The following BLOC1S6 variants were observed in gnomAD, a reference collection of about 807,000 sequenced individuals.
BLOC1S6 encodes the protein biogenesis of lysosomal organelles complex 1 subunit 6, also known as biogenesis of lysosome-related organelles complex 1 subunit 6.
Under a neutral mutation model 24.7 loss-of-function variants are expected in BLOC1S6, and 24 were observed. The observed-to-expected ratio is 0.97, with a 90% CI of 0.70 to 1.37. The LOEUF is 1.37. Ranked by LOEUF, BLOC1S6 falls within the 40% of genes most tolerant of loss-of-function variation. The pLI, the probability that BLOC1S6 is intolerant of heterozygous loss-of-function variation, is 0.00. For synonymous variants in BLOC1S6, 76 were observed against 72.6 expected, an observed-to-expected ratio of 1.05 and a Z score of -0.23; for missense variants, 175 against 196.2, an observed-to-expected ratio of 0.89 and a Z score of 0.64.
chr15:45,592,530 G>T (rs1462025945), intron 2 of BLOC1S6, among the ~76,000 whole-genome samples: 2 of 152,150 alleles, frequency 1.3e-5, no homozygotes. Flanking sequence ...TCTGTGATTA[G>T]GTTTGGCATT....
chr15:45,602,137 C>T (rs916743180), intron 2 of BLOC1S6, among the ~76,000 whole-genome samples: 2 of 152,034 alleles, frequency 1.3e-5, no homozygotes, highest in Admixed American at 6.6e-5. Flanking sequence ...TTCAAGCAAT[C>T]CTCCTTCCTT....
Position 45,604,402 on chromosome 15 carries a change from C to T in BLOC1S6, c.313-1026C>T, listed in dbSNP as rs140907643. ...CTGCCCAGTAGTTCCTGGTTTCTTG[C>T]GAGGGAGGTGGGCAAGGCTACACTG... On this transcript the variant is annotated intron_variant, in intron 3 of 4. Coordinates refer to ENST00000220531, the MANE Select transcript of BLOC1S6 (RefSeq NM_012388.4). Among the ~76,000 whole-genome samples the T allele has an allele frequency of 2.5e-4, 38 of 152,240 alleles. No homozygotes were observed. In the East Asian group the frequency reaches 6.8e-3, roughly 27 times the overall value.
At chr15:45,590,778 G>T (rs1347823258) in intron 1 of BLOC1S6, among the ~76,000 whole-genome samples, 1 of 152,150 alleles carries the variant, frequency 6.6e-6, no homozygotes, top group Non-Finnish European at 1.5e-5. Flanking sequence ...CACAAGCAAT[G>T]TGTTGTGATA....
chr15:45,601,258 C>G (rs906719028), intron 2 of BLOC1S6: 5 of 154,314 alleles, frequency 3.2e-5, no homozygotes, highest in Admixed American at 1.3e-4. Context: ...ACTGTACGTG[C>G]CTAAAACTGA....
intron 2 of BLOC1S6, among the ~76,000 whole-genome samples, chr15:45,601,787 A>G (rs1353346120): frequency 6.6e-6 from 1 of 151,878 alleles, no homozygotes; most frequent in Non-Finnish European, 1.5e-5. Flanking sequence ...TGTATCTCAG[A>G]TGGTTGACTT....
Position 45,592,172 on chromosome 15 carries a change from G to GGACT in BLOC1S6, c.121_124dup (p.Leu42Ter). 6.2e-7 allele frequency: 1 copy of GGACT among 1,614,136 alleles called. No homozygotes were observed. Among genetic ancestry groups the GGACT allele is most frequent in the Non-Finnish European group, 8.5e-7 (1 of 1,180,014 alleles). Reference sequence around the variant, plus strand: ...CTTCTCCAGATGAAGGGTTAATAGAGGACTTGACTATAGAAGACAAAGCAG... The same window carrying GGACT: ...CTTCTCCAGATGAAGGGTTAATAGAGGACTGACTTGACTATAGAAGACAAAGCAG... On this transcript the variant is annotated frameshift_variant, in exon 2 of 5. Coordinates refer to ENST00000220531, the MANE Select transcript of BLOC1S6 (RefSeq NM_012388.4). LOFTEE classifies it high-confidence loss of function.
intron 2 of BLOC1S6, chr15:45,598,136 C>A (rs1289679763): frequency 6.5e-6 from 1 of 154,772 alleles, no homozygotes; most frequent in Admixed American, 6.5e-5. Context: ...AATTCAACAA[C>A]CCTTCATGCT....
At chr15:45,600,498 G>GT (rs995218794) in intron 2 of BLOC1S6, among the ~76,000 whole-genome samples, 16 of 152,106 alleles carry the variant, frequency 1.1e-4, no homozygotes, top group African/African-American at 3.9e-4. Flanking sequence ...TTTGTTGATG[G>GT]TTTATAGTCA....
intron 2 of BLOC1S6, among the ~76,000 whole-genome samples, chr15:45,593,165 G>A (rs1445918281): frequency 3.9e-5 from 6 of 151,908 alleles, no homozygotes; most frequent in African/African-American, 7.2e-5. Context: ...AGGCTGAGGC[G>A]GGCGGATCAC....
chr15:45,605,325 C>T, intron 3 of BLOC1S6, 103 bp from the exon 4 acceptor site: 9 of 895,262 alleles, frequency 1.0e-5, no homozygotes, highest in East Asian at 2.7e-5. Flanking sequence ...AAATTTTGAC[C>T]AATTTAGGAA....
At chr15:45,590,752 G>T (rs1595551937) in intron 1 of BLOC1S6, among the ~76,000 whole-genome samples, 1 of 152,094 alleles carries the variant, frequency 6.6e-6, no homozygotes, top group African/African-American at 2.4e-5. Flanking sequence ...GGCACAAATT[G>T]TACTTAGAAA....
Position 45,608,760 on chromosome 15 carries a change from G to A in BLOC1S6, c.*2246G>A, listed in dbSNP as rs1894572419. The A allele has an allele frequency of 6.6e-6, 1 of 152,104 alleles. No homozygotes were observed. The highest frequency in any genetic ancestry group is 2.4e-5 in the African/African-American group (1 of 41,408). The allele number at this position is 152,104 out of a possible 1,614,324, so 9.4% of individuals were successfully genotyped here. ...AAAAAACTCTCCAGATAATTTTGATGTCACGAGTCACTAGTATAGACTATC... is the reference window on the plus strand; with the variant it reads ...AAAAAACTCTCCAGATAATTTTGATATCACGAGTCACTAGTATAGACTATC... On this transcript the variant is annotated 3_prime_UTR_variant, in exon 5 of 5. Transcript: ENST00000220531.
At chr15:45,601,701 CT>C (rs985288226) in intron 2 of BLOC1S6, among the ~76,000 whole-genome samples, 13 of 151,990 alleles carry the variant, frequency 8.6e-5, no homozygotes, top group Admixed American at 4.6e-4. Context: ...AAAGAACCAC[CT>C]TTTTGTCTCA....
At chr15:45,602,287 C>CTTT (rs577048423) in intron 2 of BLOC1S6, 9 of 524,050 alleles carry the variant, frequency 1.7e-5, no homozygotes, top group African/African-American at 4.0e-5. Flanking sequence ...GTTGTTATTT[C>CTTT]TTTTTTTTTT....
Position 45,591,909 on chromosome 15 carries a change from A to C in BLOC1S6, c.83-226A>C, listed in dbSNP as rs920272343. 632 of 533,732 alleles carry C rather than the reference A, an allele frequency of 1.2e-3. 6 individuals carry two copies. Among genetic ancestry groups the C allele is most frequent in the Middle Eastern group, 2.6e-3 (5 of 1,928 alleles). The allele number at this position is 533,732 out of a possible 1,614,324, so 33.1% of individuals were successfully genotyped here. Reference sequence around the variant, plus strand: ...TTGGGAGACTGTGTGTGTGCCCTCAACCCCATTTGTGGGCTCCTTTCTACC... The same window carrying C: ...TTGGGAGACTGTGTGTGTGCCCTCACCCCCATTTGTGGGCTCCTTTCTACC... On this transcript the variant is annotated intron_variant, in intron 1 of 4. Coordinates refer to ENST00000220531, the MANE Select transcript of BLOC1S6 (RefSeq NM_012388.4).
Position 45,606,595 on chromosome 15 carries a change from G to A in BLOC1S6, c.*81G>A, listed in dbSNP as rs1485700573. 2.5e-6 allele frequency: 4 copies of A among 1,580,878 alleles called. No homozygotes were observed. The highest frequency in any genetic ancestry group is 3.5e-6 in the Non-Finnish European group (4 of 1,150,748). ...AAGTGTAGACTGAAGTTGAGGTAGT[G>A]CCTTATGCCATTATGTCATATGTTG... On this transcript the variant is annotated 3_prime_UTR_variant, in exon 5 of 5. Coordinates refer to ENST00000220531, the MANE Select transcript of BLOC1S6 (RefSeq NM_012388.4).
At chr15:45,600,222 C>G (rs1015648227) in intron 2 of BLOC1S6, among the ~76,000 whole-genome samples, 5 of 147,844 alleles carry the variant, frequency 3.4e-5, no homozygotes, top group African/African-American at 1.3e-4. Flanking sequence ...GGGAGATATA[C>G]CTAATGCTAG....
chr15:45,604,183 A>G (rs1894365434), intron 3 of BLOC1S6, among the ~76,000 whole-genome samples: 1 of 152,202 alleles, frequency 6.6e-6, no homozygotes, highest in Admixed American at 6.5e-5. Context: ...AACCTGGCCA[A>G]CGTAGCAAGA....
intron 2 of BLOC1S6, among the ~76,000 whole-genome samples, chr15:45,594,990 A>G (rs540743571): frequency 2.0e-5 from 3 of 152,286 alleles, no homozygotes; most frequent in African/African-American, 7.2e-5. Flanking sequence ...GGACAAGCCA[A>G]TGCAGAGACA....
Sources: gnomAD v4.1 joint callset for allele counts (sites outside exome capture counted in the v4.1 genomes callset) on GRCh38, gnomAD v4.1.1 for gene constraint, MANE v1.5 for transcripts, NCBI Gene and HGNC (gene_info 2026-07-23, HGNC 2026-07-21) for gene names.